MROH9: variants seen among roughly 807,000 people sequenced by gnomAD.
The protein encoded by MROH9 is maestro heat like repeat family member 9, also known as maestro heat-like repeat-containing protein family member 9.
Under a neutral mutation model 98.2 loss-of-function variants are expected in MROH9, and 92 were observed. The ratio of observed to expected loss-of-function variants is 0.94; its 90% CI spans 0.79 to 1.11. The LOEUF (loss-of-function observed/expected upper bound fraction) is 1.11. Among genes scored for constraint, MROH9 ranks in the 50% most tolerant of loss-of-function variants. The pLI is 0.00. For missense variants in MROH9, 1,057 were observed against 1,014.8 expected, an observed-to-expected ratio of 1.04 and a Z score of -0.57; for synonymous variants, 397 against 368.9, an observed-to-expected ratio of 1.08 and a Z score of -0.87.
intron 15 of MROH9, among the ~76,000 whole-genome samples, chr1:171,000,915 C>A (rs540107854): frequency 6.6e-6 from 1 of 152,070 alleles, no homozygotes; most frequent in South Asian, 2.1e-4. Context: ...TTCAATCTCT[C>A]TGCTTGTTAT....
intron 20 of MROH9, among the ~76,000 whole-genome samples, chr1:171,037,810 T>C (rs753155636): frequency 6.7e-6 from 1 of 149,188 alleles, no homozygotes; most frequent in Non-Finnish European, 1.5e-5. Context: ...AAGTGAATCA[T>C]TGACCTTAAC....
At chr1:170,992,778 C>A (rs146691563) in intron 12 of MROH9, among the ~76,000 whole-genome samples, 1 of 151,888 alleles carries the variant, frequency 6.6e-6, no homozygotes, top group African/African-American at 2.4e-5. Context: ...TGTATGTCAG[C>A]GAATACAAGG....
chr1:170,999,007 A>G (rs1651690626), intron 15 of MROH9, among the ~76,000 whole-genome samples: 1 of 152,130 alleles, frequency 6.6e-6, no homozygotes, highest in Non-Finnish European at 1.5e-5. Flanking sequence ...TTAACTGAAC[A>G]TTGTGGTAGT....
intron 20 of MROH9, among the ~76,000 whole-genome samples, chr1:171,052,919 T>C (rs56158075): frequency 0.12 from 18,334 of 152,044 alleles, 1,209 homozygotes; most frequent in Middle Eastern, 0.22. Flanking sequence ...GGATGGCCCA[T>C]GCTTCTAATT....
intron 3 of MROH9, among the ~76,000 whole-genome samples, chr1:170,957,999 C>T (rs113305761): frequency 0.058 from 8,771 of 152,050 alleles, 362 homozygotes; most frequent in Middle Eastern, 0.13. Flanking sequence ...TTAGTAGAGA[C>T]GGGGTTTCAC....
chr1:170,943,401 A>T (rs1183093717), intron 1 of MROH9, among the ~76,000 whole-genome samples: 1 of 152,066 alleles, frequency 6.6e-6, no homozygotes, highest in Non-Finnish European at 1.5e-5. Flanking sequence ...TTTAGAAATG[A>T]GATAAAATAT....
chr1:170,981,755 A>AC (rs1335621660), intron 8 of MROH9, among the ~76,000 whole-genome samples: 2 of 151,314 alleles, frequency 1.3e-5, no homozygotes, highest in Non-Finnish European at 3.0e-5. Flanking sequence ...AAAAAAAAAA[A>AC]CTCTCTATGA....
intron 3 of MROH9, among the ~76,000 whole-genome samples, chr1:170,957,608 T>C (rs565588916): frequency 2.0e-5 from 3 of 152,262 alleles, no homozygotes; most frequent in South Asian, 2.1e-4. Flanking sequence ...AAGACCTCCA[T>C]GTTCTTTCTT....
chr1:171,030,196 G>A (rs1481832249), intron 20 of MROH9, among the ~76,000 whole-genome samples: 2 of 151,712 alleles, frequency 1.3e-5, no homozygotes, highest in African/African-American at 4.8e-5. Context: ...TTCTACATTA[G>A]TTTAGCTAGT....
At position 170,971,752 on chromosome 1, in the gene MROH9, GT is replaced by G; in HGVS notation, c.486del (p.Ser162ArgfsTer26). ...FTVTKVRKYI[S>X]VDAPCLGLLA... ...TCTCCTTTGTTTCTCCATTAGATAA[GT>G]GTTGATGCTCCATGTTTGGGTCTCC... On this transcript the variant is annotated frameshift_variant, in exon 8 of 22. Transcript: ENST00000367759. LOFTEE classifies it high-confidence loss of function. The G allele has an allele frequency of 6.2e-7, 1 of 1,614,010 alleles. No homozygotes were observed. Among genetic ancestry groups the G allele is most frequent in the Non-Finnish European group, 8.5e-7 (1 of 1,179,914 alleles).
At chr1:170,942,860 C>A (rs2101866427) in intron 1 of MROH9, among the ~76,000 whole-genome samples, 1 of 152,202 alleles carries the variant, frequency 6.6e-6, no homozygotes, top group African/African-American at 2.4e-5. Flanking sequence ...ATCACACAAA[C>A]AAGCTGCTAT....
chr1:170,964,419 C>T (rs1385452755), intron 6 of MROH9, among the ~76,000 whole-genome samples: 2 of 152,022 alleles, frequency 1.3e-5, no homozygotes, highest in African/African-American at 4.8e-5. Context: ...AAACATTTTT[C>T]ACAATGGGAG....
intron 20 of MROH9, among the ~76,000 whole-genome samples, chr1:171,051,523 G>T (rs568754801): frequency 6.6e-6 from 1 of 152,238 alleles, no homozygotes; most frequent in Non-Finnish European, 1.5e-5. Flanking sequence ...TCACTTATAA[G>T]TGGGAGCTGA....
rs1184795859 is a variant in MROH9 at position 171,024,426 on chromosome 1, G to C, written c.1940G>C (p.Arg647Pro). 11 of 1,551,136 alleles carry C rather than the reference G, an allele frequency of 7.1e-6. No individual in the cohort carries two copies. In the East Asian group the frequency reaches 2.2e-4, roughly 31 times the overall value. ...GGAGGCATTCGAAGTATGGCAATTC[G>C]ACACTTTGGTCAATTAGTTAGGGAT... ...INGGIRSMAI[R>P]HFGQLVRDMR... The change falls in exon 18 of 22, where the codon CGA (arginine) becomes CCA (proline). Residue 647 changes from arginine (R) to proline (P), a missense_variant. Coordinates refer to ENST00000367759, the MANE Select transcript of MROH9 (RefSeq NM_001163629.2).
intron 10 of MROH9, among the ~76,000 whole-genome samples, chr1:170,988,502 G>A (rs1043321577): frequency 4.6e-5 from 7 of 152,280 alleles, no homozygotes; most frequent in Non-Finnish European, 8.8e-5. Flanking sequence ...CTGAGAGAAA[G>A]AGAGACCAAA....
At chr1:170,972,975 A>C (rs1347337038) in intron 8 of MROH9, among the ~76,000 whole-genome samples, 1 of 152,006 alleles carries the variant, frequency 6.6e-6, no homozygotes, top group East Asian at 1.9e-4. Flanking sequence ...CCTAGAGTAC[A>C]TTTCTAAGAG....
intron 7 of MROH9, among the ~76,000 whole-genome samples, chr1:170,970,353 A>G (rs73036080): frequency 0.015 from 2,350 of 151,982 alleles, 54 homozygotes; most frequent in African/African-American, 0.053. Context: ...TCATGCCCAT[A>G]CACAATGATG....
At position 170,943,862 on chromosome 1, in the gene MROH9, T is replaced by C. The variant is rs560180148; in HGVS notation, c.-37-1658T>C. On this transcript the variant is annotated intron_variant, in intron 1 of 21. Transcript: ENST00000367759. ...AAATAAAGTCAAAGAAAATGAACTTTAGCTCAACAAGAAATGAATGGGGAA... is the reference window on the plus strand; with the variant it reads ...AAATAAAGTCAAAGAAAATGAACTTCAGCTCAACAAGAAATGAATGGGGAA... Among the ~76,000 whole-genome samples the C allele has an allele frequency of 7.2e-5, 11 of 152,172 alleles. No homozygotes were observed. In the South Asian group the frequency reaches 2.3e-3, roughly 32 times the overall value.
chr1:170,961,044 G>A (rs1418465937), intron 5 of MROH9, among the ~76,000 whole-genome samples: 1 of 150,576 alleles, frequency 6.6e-6, no homozygotes, highest in Middle Eastern at 3.2e-3. Context: ...AGGCATAAAA[G>A]TCTATTTTTT....
Sources: allele counts gnomAD v4.1 joint callset (sites outside exome capture counted in the v4.1 genomes callset), GRCh38; gene constraint gnomAD v4.1.1; transcripts MANE v1.5; gene names NCBI Gene and HGNC (gene_info 2026-07-23, HGNC 2026-07-21).